Variants in PTPRK observed in about 807,000 individuals in gnomAD.
PTPRK encodes receptor-type tyrosine-protein phosphatase kappa.
Under a neutral mutation model 178.0 loss-of-function variants are expected in PTPRK, and 75 were observed. The ratio of observed to expected loss-of-function variants is 0.42; its 90% CI spans 0.35 to 0.51. PTPRK has a LOEUF of 0.51. Ranked by LOEUF, PTPRK falls within the 20% of genes least tolerant of loss-of-function variation. The pLI is 0.02. For synonymous variants in PTPRK, 637 were observed against 620.6 expected (o/e 1.03, Z -0.39); for missense variants, 1,441 against 1,797.8 (o/e 0.80, Z 3.59).
At chr6:128,170,128 A>T (rs1208460190) in intron 7 of PTPRK, among the ~76,000 whole-genome samples, 3 of 152,066 alleles carry the variant, frequency 2.0e-5, no homozygotes, top group Non-Finnish European at 4.4e-5. Flanking sequence ...AATTTTGAAT[A>T]ACACAAAGCC....
chr6:128,332,087 C>CGCTACA (rs1329077588), intron 2 of PTPRK, among the ~76,000 whole-genome samples: 1 of 152,064 alleles, frequency 6.6e-6, no homozygotes, highest in African/African-American at 2.4e-5. Flanking sequence ...GGAATTTACC[C>CGCTACA]GCTACACTAC....
intron 1 of PTPRK, among the ~76,000 whole-genome samples, chr6:128,415,782 G>C (rs1842783007): frequency 6.6e-6 from 1 of 152,076 alleles, no homozygotes; most frequent in African/African-American, 2.4e-5. Context: ...ACAGTAATCT[G>C]TTTGAAACCA....
intron 3 of PTPRK, among the ~76,000 whole-genome samples, chr6:128,294,724 C>A (rs993696504): frequency 2.6e-5 from 4 of 152,014 alleles, no homozygotes; most frequent in Non-Finnish European, 5.9e-5. Flanking sequence ...TTCACATTGG[C>A]TAAGAAGCCA....
intron 1 of PTPRK, among the ~76,000 whole-genome samples, chr6:128,466,048 T>C (rs971444653): frequency 3.9e-5 from 6 of 152,210 alleles, no homozygotes; most frequent in African/African-American, 1.4e-4. Context: ...TGGGATCCTG[T>C]GTCACTGCAC....
chr6:128,359,833 T>C (rs184531162), intron 2 of PTPRK, among the ~76,000 whole-genome samples: 287 of 152,184 alleles, frequency 1.9e-3, no homozygotes, highest in African/African-American at 6.4e-3. Flanking sequence ...TTGCCTACTA[T>C]CTCAATTAAT....
chr6:128,478,190 T>A (rs1004049708), intron 1 of PTPRK, among the ~76,000 whole-genome samples: 1 of 152,252 alleles, frequency 6.6e-6, no homozygotes, highest in African/African-American at 2.4e-5. Flanking sequence ...ATTGATGTGA[T>A]TTTGCTTATG....
intron 7 of PTPRK, among the ~76,000 whole-genome samples, chr6:128,170,563 T>G (rs1389271518): frequency 2.0e-5 from 3 of 152,046 alleles, no homozygotes; most frequent in Admixed American, 6.6e-5. Context: ...TATTATTTAC[T>G]TGAGAAATGA....
chr6:128,210,150 GA>G (rs1807832995), intron 6 of PTPRK, among the ~76,000 whole-genome samples: 2 of 152,062 alleles, frequency 1.3e-5, no homozygotes, highest in East Asian at 3.9e-4. Context: ...TGAGAATAAA[GA>G]AAAGTGTGGG....
intron 7 of PTPRK, among the ~76,000 whole-genome samples, chr6:128,130,113 G>A (rs539527255): frequency 3.9e-5 from 6 of 152,204 alleles, no homozygotes; most frequent in African/African-American, 1.4e-4. Flanking sequence ...TGACAATACT[G>A]CAGACATTAA....
chr6:128,064,842 T>G, intron 12 of PTPRK, 48 bp from the exon 13 acceptor site: 1 of 1,525,480 alleles, frequency 6.6e-7, no homozygotes, highest in Non-Finnish European at 8.7e-7. Context: ...ACAGATAATG[T>G]TTCCTGTTTC....
intron 7 of PTPRK, among the ~76,000 whole-genome samples, chr6:128,137,143 C>T (rs749803195): frequency 2.1e-4 from 32 of 152,150 alleles, no homozygotes; most frequent in Non-Finnish European, 3.8e-4. Context: ...TGAATACATA[C>T]TAAAACAGAT....
chr6:128,105,095 T>A (rs1789457937), intron 7 of PTPRK, among the ~76,000 whole-genome samples: 1 of 152,160 alleles, frequency 6.6e-6, no homozygotes, highest in South Asian at 2.1e-4. Flanking sequence ...AGAGCAAGTT[T>A]CTCTAGGGCA....
chr6:128,227,267 T>C (rs138018336), intron 5 of PTPRK, among the ~76,000 whole-genome samples: 1 of 152,194 alleles, frequency 6.6e-6, no homozygotes, highest in Non-Finnish European at 1.5e-5. Context: ...TATAAAACCA[T>C]GCAATTTATA....
At chr6:128,395,978 A>C (rs1306777259) in intron 2 of PTPRK, among the ~76,000 whole-genome samples, 1 of 152,158 alleles carries the variant, frequency 6.6e-6, no homozygotes, top group Non-Finnish European at 1.5e-5. Flanking sequence ...CAAACTAAAA[A>C]TTACATTTAG....
At chr6:128,087,216 A>G (rs1178617613) in intron 8 of PTPRK, among the ~76,000 whole-genome samples, 1 of 152,146 alleles carries the variant, frequency 6.6e-6, no homozygotes, top group African/African-American at 2.4e-5. Context: ...CAAACTAACA[A>G]ACCATATCCA....
chr6:128,407,285 C>G (rs1841768836), intron 1 of PTPRK, among the ~76,000 whole-genome samples: 1 of 152,068 alleles, frequency 6.6e-6, no homozygotes, highest in African/African-American at 2.4e-5. Context: ...TTCGTGGTTC[C>G]TAAGAACAGT....
At chr6:128,178,990 A>G (rs571857571) in intron 7 of PTPRK, among the ~76,000 whole-genome samples, 79 of 151,952 alleles carry the variant, frequency 5.2e-4, no homozygotes, top group Non-Finnish European at 9.7e-4. Flanking sequence ...TATCCATTAG[A>G]GGTAGATCAT....
chr6:128,248,612 G>A (rs1302984552), intron 3 of PTPRK, among the ~76,000 whole-genome samples: 1 of 152,144 alleles, frequency 6.6e-6, no homozygotes, highest in Non-Finnish European at 1.5e-5. Flanking sequence ...AATGGTTATT[G>A]GAAATGCCCC....
intron 1 of PTPRK, among the ~76,000 whole-genome samples, chr6:128,515,378 CTTT>C (rs935284033): frequency 6.7e-6 from 1 of 148,774 alleles, no homozygotes; most frequent in South Asian, 2.1e-4. Context: ...ATGTCTTGTA[CTTT>C]TTTTTTTCAG....
Sources: gnomAD v4.1 joint callset for allele counts (sites outside exome capture counted in the v4.1 genomes callset) on GRCh38, gnomAD v4.1.1 for gene constraint, MANE v1.5 for transcripts, NCBI Gene and HGNC (gene_info 2026-07-23, HGNC 2026-07-21) for gene names.